ABCC9: variants seen among roughly 807,000 people sequenced by gnomAD.
The protein encoded by ABCC9 is ATP binding cassette subfamily C member 9.
Under a neutral mutation model 188.3 loss-of-function variants are expected in ABCC9, and 95 were observed. That is an observed-to-expected ratio of 0.50 (90% confidence interval 0.43 to 0.60). The LOEUF is 0.60. Among genes scored for constraint, ABCC9 ranks in the 20% least tolerant of loss-of-function variants. The pLI, the probability that ABCC9 is intolerant of heterozygous loss-of-function variation, is 0.00. For synonymous variants in ABCC9, 659 were observed against 652.7 expected (o/e 1.01, Z -0.15); for missense variants, 1,102 against 1,876.3 (o/e 0.59, Z 7.62).
chr12:21,837,794 TA>T lies in ABCC9; in HGVS notation c.3566+283del, dbSNP rs1944177045. On this transcript the variant is annotated intron_variant, in intron 30 of 39. Transcript: ENST00000261200. The stretch of plus-strand genomic sequence containing the variant: ...AGCAAAATTGATTTTCTCCATTTAA[TA>T]GATGAGGAAACCAAGGTTAGAGAAT... Among the ~76,000 whole-genome samples, 3 of 152,144 alleles carry T rather than the reference TA, an allele frequency of 2.0e-5. No individual in the cohort carries two copies. The South Asian group carries it at 6.2e-4, about 32-fold the overall frequency.
chr12:21,866,743 G>A (rs1945801642), intron 18 of ABCC9, among the ~76,000 whole-genome samples: 1 of 152,186 alleles, frequency 6.6e-6, no homozygotes, highest in South Asian at 2.1e-4. Context: ...GGAGAAGTAG[G>A]ACTGAGGACA....
At chr12:21,836,316 A>G (rs1944087031) in intron 30 of ABCC9, among the ~76,000 whole-genome samples, 1 of 152,204 alleles carries the variant, frequency 6.6e-6, no homozygotes, top group South Asian at 2.1e-4. Flanking sequence ...ATACTTATCA[A>G]TGCCCTTTGT....
chr12:21,918,544 T>G (rs1206619278), intron 5 of ABCC9, among the ~76,000 whole-genome samples: 1 of 152,192 alleles, frequency 6.6e-6, no homozygotes, highest in East Asian at 1.9e-4. Context: ...GTCAGACTAT[T>G]GATTTTCTAT....
chr12:21,879,647 G>T (rs1362161933), intron 16 of ABCC9, among the ~76,000 whole-genome samples: 1 of 151,730 alleles, frequency 6.6e-6, no homozygotes, highest in African/African-American at 2.4e-5. Flanking sequence ...AAATTTAAAG[G>T]CAGGGCACAC....
rs1422935645 is a variant in ABCC9, at chr12:21,852,145, A to G, written c.2721T>C (p.Tyr907=). 1 of 1,613,796 alleles carries G rather than the reference A, an allele frequency of 6.2e-7. No homozygotes were observed. The highest frequency in any genetic ancestry group is 8.5e-7 in the Non-Finnish European group (1 of 1,179,906). Residue 907 remains tyrosine (Y), a synonymous_variant, in exon 24 of 40, where the codon TAT becomes TAC. Coordinates refer to ENST00000261200, the MANE Select transcript of ABCC9 (RefSeq NM_020297.4). ...GATTCATAAGTGTTTTCCAGTGTTC[A>G]TAAAGCTCAACATCTTTGGTTTGAA... is the stretch of plus-strand genomic sequence containing the variant. ...KDIQTKDVEL[Y]EHWKTLMNRQ...
chr12:21,901,025 A>C (rs1947718628), intron 12 of ABCC9, among the ~76,000 whole-genome samples: 1 of 152,204 alleles, frequency 6.6e-6, no homozygotes, highest in Non-Finnish European at 1.5e-5. Context: ...AGTTGAAATG[A>C]AGGAAAAAAT....
chr12:21,818,080 A>T (rs757395510), intron 32 of ABCC9, 70 bp downstream of exon 32: 13 of 1,208,832 alleles, frequency 1.1e-5, no homozygotes, highest in Middle Eastern at 1.9e-4. Flanking sequence ...TCAACATTCA[A>T]TTCCCATTTA....
intron 3 of ABCC9, among the ~76,000 whole-genome samples, chr12:21,934,886 G>A (rs1949425719): frequency 6.6e-6 from 1 of 151,988 alleles, no homozygotes; most frequent in African/African-American, 2.4e-5. Context: ...TTCATCATTG[G>A]AAGATTAGTT....
At chr12:21,845,535 T>C (rs557764988) in intron 26 of ABCC9, 68 bp downstream of exon 26, 3 of 1,256,114 alleles carry the variant, frequency 2.4e-6, no homozygotes, top group Non-Finnish European at 3.5e-6. Context: ...TCTAACTAGA[T>C]AAGAAGGTAT....
chr12:21,922,528 A>C (rs1948865606), intron 5 of ABCC9, among the ~76,000 whole-genome samples: 1 of 151,918 alleles, frequency 6.6e-6, no homozygotes, highest in South Asian at 2.1e-4. Context: ...TAAATTTCAC[A>C]TACAATAAAA....
At chr12:21,883,159 C>A (rs759577233) in intron 15 of ABCC9, among the ~76,000 whole-genome samples, 13 of 152,208 alleles carry the variant, frequency 8.5e-5, no homozygotes, top group Non-Finnish European at 1.8e-4. Context: ...TAATCTTTCT[C>A]TGATGATATG....
In ABCC9 at chr12:21,860,974, C is replaced by T; in HGVS notation, c.2421G>A (p.Glu807=). The T allele has an allele frequency of 1.9e-6, 3 of 1,611,354 alleles. No homozygotes were observed. The highest frequency in any genetic ancestry group is 2.5e-6 in the Non-Finnish European group (3 of 1,177,854). The change falls in exon 21 of 40, where the codon GAG becomes GAA. Residue 807 remains glutamate (E), a synonymous_variant. Coordinates refer to ENST00000261200, the MANE Select transcript of ABCC9 (RefSeq NM_020297.4). ...LPFGDQTEIG[E]RGINLSGGQR... ...AATGAAACTATATATAGCTCACCCT[C>T]TCTCCAATTTCAGTTTGATCTCCAA...
At chr12:21,936,115 T>G (rs1363207598) in intron 3 of ABCC9, among the ~76,000 whole-genome samples, 5 of 152,136 alleles carry the variant, frequency 3.3e-5, no homozygotes, top group African/African-American at 4.8e-5. Flanking sequence ...TTCCTGTGCT[T>G]GTAAATAGGC....
At chr12:21,863,864 G>A (rs1348195910) in intron 19 of ABCC9, among the ~76,000 whole-genome samples, 2 of 152,114 alleles carry the variant, frequency 1.3e-5, no homozygotes, top group South Asian at 4.1e-4. Context: ...AGAGTAGCTA[G>A]AAATGTTCAA....
At chr12:21,936,775 G>A in intron 2 of ABCC9, 81 bp from the exon 3 acceptor site, 1 of 1,024,374 alleles carries the variant, frequency 9.8e-7, no homozygotes, top group Non-Finnish European at 1.4e-6. Context: ...CTTGAATAGA[G>A]GGCTATATCA....
intron 20 of ABCC9, 94 bp downstream of exon 20, chr12:21,862,859 G>T: frequency 1.2e-6 from 1 of 821,930 alleles, no homozygotes; most frequent in Non-Finnish European, 2.1e-6. Flanking sequence ...GAAAATACCA[G>T]ATGTAAAGGT....
chr12:21,917,225 T>C (rs1213300050), intron 5 of ABCC9, 122 bp from the exon 6 acceptor site: 3 of 1,012,994 alleles, frequency 3.0e-6, no homozygotes, highest in Non-Finnish European at 3.0e-6. Flanking sequence ...TTCCACATGG[T>C]TTTACTTGGT....
In ABCC9 at chr12:21,913,180, T is replaced by G; in HGVS notation, c.817-114A>C. The G allele has an allele frequency of 4.3e-6, 4 of 933,546 alleles. No homozygotes were observed. In the East Asian group the frequency reaches 1.0e-4, roughly 24 times the overall value. 57.8% of individuals were successfully genotyped at this position (933,546 alleles called of 1,614,324 possible). A position where few individuals can be genotyped will look rare whatever the true frequency, so the allele number is the denominator to read the frequency against. On this transcript the variant is annotated intron_variant, in intron 7 of 39. Coordinates refer to ENST00000261200, the MANE Select transcript of ABCC9 (RefSeq NM_020297.4). ...TTATACTTCAAAAATACTTTAAGGG[T>G]TTAAAAATTGATGTTAATGTGTGCC...
At chr12:21,939,457 C>T (rs1949614485) in intron 2 of ABCC9, among the ~76,000 whole-genome samples, 2 of 152,146 alleles carry the variant, frequency 1.3e-5, no homozygotes, top group Non-Finnish European at 2.9e-5. Flanking sequence ...ATCCACGTTC[C>T]TAATCCTTAA....
Sources: gnomAD v4.1 joint callset for allele counts (sites outside exome capture counted in the v4.1 genomes callset) on GRCh38, gnomAD v4.1.1 for gene constraint, MANE v1.5 for transcripts, NCBI Gene and HGNC (gene_info 2026-07-23, HGNC 2026-07-21) for gene names.